The following PSMD9 variants were observed in gnomAD, a reference collection of about 807,000 sequenced individuals.
PSMD9 encodes the protein 26S proteasome non-ATPase regulatory subunit 9.
Under a neutral mutation model 25.9 loss-of-function variants are expected in PSMD9, and 26 were observed. The observed-to-expected ratio is 1.00, with a 90% CI of 0.73 to 1.39. PSMD9 has a LOEUF of 1.39. PSMD9 is among the 40% of genes most tolerant of loss of function. The pLI, the probability that PSMD9 is intolerant of heterozygous loss-of-function variation, is 0.00. For synonymous variants in PSMD9, 110 were observed against 114.5 expected (o/e 0.96, Z 0.25); for missense variants, 303 against 299.3 (o/e 1.01, Z -0.09).
chr12:121,894,684 C>A, intron 1 of PSMD9, 55 bp from the exon 2 acceptor site: 1 of 1,467,598 alleles, frequency 6.8e-7, no homozygotes. Flanking sequence ...TGGGGAAAGA[C>A]ATCCTGGGGA....
At chr12:121,895,098 G>A (rs1399543559) in intron 2 of PSMD9, among the ~76,000 whole-genome samples, 1 of 151,628 alleles carries the variant, frequency 6.6e-6, no homozygotes, top group Non-Finnish European at 1.5e-5. Flanking sequence ...AGGCTGGAGT[G>A]CAGTGGTGCT....
rs1331388686 is a variant in PSMD9, at chr12:121,905,225, CT to C, written c.555+2131del. Among the ~76,000 whole-genome samples the C allele has an allele frequency of 4.1e-3, 562 of 137,464 alleles. 2 individuals are homozygous for C. Among genetic ancestry groups the C allele is most frequent in the African/African-American group, 5.7e-3 (211 of 37,320 alleles). The allele number at this position is 137,464 out of a possible 152,430, so 90.2% of individuals were successfully genotyped here. On this transcript the variant is annotated intron_variant, in intron 4 of 5. Coordinates refer to ENST00000541212, the MANE Select transcript of PSMD9 (RefSeq NM_002813.7). Reference sequence around the variant, plus strand: ...CCATGAGTTTTCTTCTTTTTCTTTTCTTTTTTTTTTTTTAGATGGAGTCTTG... The same window carrying C: ...CCATGAGTTTTCTTCTTTTTCTTTTCTTTTTTTTTTTTAGATGGAGTCTTG...
intron 3 of PSMD9, 25 bp from the exon 4 acceptor site, chr12:121,902,981 T>G: frequency 6.3e-7 from 1 of 1,593,596 alleles, no homozygotes; most frequent in Non-Finnish European, 8.6e-7. Flanking sequence ...CTAGCCTGAT[T>G]TTCCATTTTT....
chr12:121,904,279 A>G (rs61954312), intron 4 of PSMD9, among the ~76,000 whole-genome samples: 2 of 142,498 alleles, frequency 1.4e-5, no homozygotes, highest in Non-Finnish European at 1.5e-5. Flanking sequence ...TTTTTTTTTA[A>G]TTAAGAAATT....
In PSMD9 at chr12:121,916,537, A is replaced by G; in HGVS notation, c.*226A>G. The G allele has an allele frequency of 1.7e-6, 1 of 579,734 alleles. No homozygotes were observed. The allele number at this position is 579,734 out of a possible 1,614,324, so 35.9% of individuals were successfully genotyped here. On this transcript the variant is annotated 3_prime_UTR_variant, in exon 6 of 6. Coordinates refer to ENST00000541212, the MANE Select transcript of PSMD9 (RefSeq NM_002813.7). ...CTTTCACAAATTAGGCCACGGCCCTAAATAGGAATTCCCTGGATTGTGGGC... is the reference window on the plus strand; with the variant it reads ...CTTTCACAAATTAGGCCACGGCCCTGAATAGGAATTCCCTGGATTGTGGGC...
intron 4 of PSMD9, among the ~76,000 whole-genome samples, chr12:121,912,267 C>T (rs186770067): frequency 4.2e-4 from 63 of 150,604 alleles, no homozygotes; most frequent in African/African-American, 1.1e-3. Context: ...TGGGCTCAAG[C>T]GATCCCACCC....
intron 1 of PSMD9, among the ~76,000 whole-genome samples, chr12:121,890,278 C>T (rs1879029358): frequency 6.6e-6 from 1 of 152,156 alleles, no homozygotes; most frequent in African/African-American, 2.4e-5. Flanking sequence ...ACTATATGCT[C>T]AAAGTGGGAT....
At chr12:121,911,246 G>A (rs1227606139) in intron 4 of PSMD9, among the ~76,000 whole-genome samples, 1 of 152,066 alleles carries the variant, frequency 6.6e-6, no homozygotes, top group African/African-American at 2.4e-5. Flanking sequence ...TGCCATGTTG[G>A]CCAGGCTGGT....
At chr12:121,910,026 T>C (rs1047175337) in intron 4 of PSMD9, among the ~76,000 whole-genome samples, 3 of 152,124 alleles carry the variant, frequency 2.0e-5, no homozygotes, top group East Asian at 3.9e-4. Flanking sequence ...CTTTCCCAAC[T>C]ATGTTACAGT....
intron 4 of PSMD9, among the ~76,000 whole-genome samples, chr12:121,911,659 C>CTTTT (rs60603408): frequency 2.8e-5 from 4 of 141,688 alleles, no homozygotes; most frequent in Admixed American, 7.2e-5. Flanking sequence ...AATATATGAA[C>CTTTT]TTTTTTTTTT....
intron 4 of PSMD9, among the ~76,000 whole-genome samples, chr12:121,906,961 G>T (rs1345136874): frequency 2.3e-5 from 2 of 87,842 alleles, no homozygotes; most frequent in Non-Finnish European, 5.3e-5. Context: ...GTGAGGCTCT[G>T]TGTCAAAAAA....
rs1378048588 is a variant in PSMD9 at position 121,888,847 on chromosome 12, G to A, written c.-10G>A. 4.4e-6 allele frequency: 7 copies of A among 1,599,996 alleles called. No individual in the cohort carries two copies. Among genetic ancestry groups the A allele is most frequent in the Non-Finnish European group, 4.3e-6 (5 of 1,174,410 alleles). On this transcript the variant is annotated 5_prime_UTR_variant, in exon 1 of 6. Coordinates refer to ENST00000541212, the MANE Select transcript of PSMD9 (RefSeq NM_002813.7). The stretch of plus-strand genomic sequence containing the variant: ...AGCCGGGTCTCTGGAGTCGCGGCCC[G>A]GGGTTCACGATGTCCGACGAGGAAG...
Position 121,894,841 on chromosome 12 carries a change from T to G in PSMD9, c.241T>G (p.Cys81Gly), listed in dbSNP as rs774391318. 1.2e-6 allele frequency: 2 copies of G among 1,612,378 alleles called. No homozygotes were observed. Among genetic ancestry groups the G allele is most frequent in the South Asian group, 1.1e-5 (1 of 90,770 alleles). ...CCGCACCGCCAGGCACAACATCATATGTGAGTGGCCCTCTTAGAAGACTTT... is the reference window on the plus strand; with the variant it reads ...CCGCACCGCCAGGCACAACATCATAGGTGAGTGGCCCTCTTAGAAGACTTT... ...QVRTARHNII[C>G]LQNDHKAVMK... Residue 81 changes from cysteine (C) to glycine (G), a missense_variant and splice_region_variant, in exon 2 of 6, where the codon TGC becomes GGC. Coordinates refer to ENST00000541212, the MANE Select transcript of PSMD9 (RefSeq NM_002813.7).
At chr12:121,914,187 A>G (rs1227721839) in intron 4 of PSMD9, 1 of 151,876 alleles carries the variant, frequency 6.6e-6, no homozygotes, top group East Asian at 1.9e-4. Flanking sequence ...GTGCCTGGAT[A>G]TCGTATTTTA....
chr12:121,893,558 G>C (rs768626380), intron 1 of PSMD9, among the ~76,000 whole-genome samples: 2 of 152,164 alleles, frequency 1.3e-5, no homozygotes, highest in Non-Finnish European at 2.9e-5. Context: ...TGTCAGCAGG[G>C]TTGGCTCCTT....
intron 1 of PSMD9, chr12:121,894,415 AGGAGGGTGTG>A: frequency 4.3e-6 from 1 of 230,656 alleles, no homozygotes; most frequent in Non-Finnish European, 8.7e-6. Flanking sequence ...ACCTGTGGGA[AGGAGGGTGTG>A]AAGGAGTGGA....
At chr12:121,899,401 C>T (rs192547402) in intron 2 of PSMD9, 246 of 513,942 alleles carry the variant, frequency 4.8e-4, no homozygotes, top group African/African-American at 4.0e-3. Flanking sequence ...TGCTGCTGGC[C>T]AGGCCTCCCT....
At chr12:121,908,465 C>T (rs939432060) in intron 4 of PSMD9, among the ~76,000 whole-genome samples, 1 of 152,172 alleles carries the variant, frequency 6.6e-6, no homozygotes, top group Non-Finnish European at 1.5e-5. Context: ...AGGCGTGAGC[C>T]ACTGTGCCTG....
chr12:121,893,454 G>A (rs907738282), intron 1 of PSMD9, among the ~76,000 whole-genome samples: 2 of 152,196 alleles, frequency 1.3e-5, no homozygotes, highest in African/African-American at 4.8e-5. Context: ...GCGCGTAGTC[G>A]TTTTCTGAGG....
Sources: gnomAD v4.1 joint callset for allele counts (sites outside exome capture counted in the v4.1 genomes callset) on GRCh38, gnomAD v4.1.1 for gene constraint, MANE v1.5 for transcripts, NCBI Gene and HGNC (gene_info 2026-07-23, HGNC 2026-07-21) for gene names.